The following DLGAP1 variants were observed in gnomAD, a reference collection of about 807,000 sequenced individuals.
DLGAP1 encodes DLG associated protein 1, also known as disks large-associated protein 1.
In DLGAP1, 11 loss-of-function variants were observed where a neutral mutation model predicts 90.8. The ratio of observed to expected loss-of-function variants is 0.12; its 90% CI spans 0.08 to 0.20. The LOEUF (loss-of-function observed/expected upper bound fraction) is 0.20, where lower values mean the gene tolerates loss of function less well. Ranked by LOEUF, DLGAP1 falls within the 10% of genes least tolerant of loss-of-function variation. The pLI, the probability that DLGAP1 is intolerant of heterozygous loss-of-function variation, is 1.00. For missense variants in DLGAP1, 1,050 were observed against 1,333.8 expected (o/e 0.79, Z 3.31); for synonymous variants, 558 against 540.7 (o/e 1.03, Z -0.44).
At chr18:3,728,867 C>G (rs966212003) in intron 7 of DLGAP1, among the ~76,000 whole-genome samples, 1 of 152,140 alleles carries the variant, frequency 6.6e-6, no homozygotes, top group East Asian at 1.9e-4. Flanking sequence ...GGAAGTCCCT[C>G]CCCTCTGGGC....
At chr18:3,716,859 T>C (rs1288486153) in intron 7 of DLGAP1, among the ~76,000 whole-genome samples, 1 of 151,992 alleles carries the variant, frequency 6.6e-6, no homozygotes, top group African/African-American at 2.4e-5. Flanking sequence ...CTGGGTGCAG[T>C]AGCTCGTGCC....
intron 7 of DLGAP1, among the ~76,000 whole-genome samples, chr18:3,627,701 C>T (rs772045519): frequency 1.3e-5 from 2 of 151,992 alleles, no homozygotes; most frequent in Admixed American, 6.6e-5. Flanking sequence ...TCCTCTGTTG[C>T]CCAGGCTGCA....
chr18:3,638,662 A>T (rs911980008), intron 7 of DLGAP1, among the ~76,000 whole-genome samples: 6 of 152,258 alleles, frequency 3.9e-5, no homozygotes, highest in Admixed American at 3.9e-4. Context: ...CTTTATAAAG[A>T]TCACAGTGAC....
At chr18:4,424,145 C>T (rs567447955) in intron 1 of DLGAP1, among the ~76,000 whole-genome samples, 2 of 151,870 alleles carry the variant, frequency 1.3e-5, no homozygotes, top group Non-Finnish European at 2.9e-5. Context: ...AGCGAGACTC[C>T]ATCTTAAAAA....
intron 1 of DLGAP1, among the ~76,000 whole-genome samples, chr18:4,305,609 T>C (rs1031347887): frequency 1.3e-4 from 20 of 151,460 alleles, no homozygotes; most frequent in Admixed American, 7.9e-4. Context: ...GACCTTTACA[T>C]GCATGCTGTC....
At chr18:4,066,829 A>G (rs572136955) in intron 2 of DLGAP1, among the ~76,000 whole-genome samples, 1 of 152,278 alleles carries the variant, frequency 6.6e-6, no homozygotes, top group South Asian at 2.1e-4. Context: ...TACTGGGTAT[A>G]TACTTAAAGG....
At chr18:3,905,663 C>G (rs2071889910) in intron 3 of DLGAP1, among the ~76,000 whole-genome samples, 1 of 152,092 alleles carries the variant, frequency 6.6e-6, no homozygotes, top group Non-Finnish European at 1.5e-5. Context: ...TTTAATGAGA[C>G]AATGCGATAG....
intron 2 of DLGAP1, among the ~76,000 whole-genome samples, chr18:4,037,699 C>A (rs1384353139): frequency 6.6e-6 from 1 of 152,160 alleles, no homozygotes; most frequent in Non-Finnish European, 1.5e-5. Flanking sequence ...GTGGCTCATG[C>A]CTGTAATACT....
intron 3 of DLGAP1, chr18:3,894,872 G>A (rs984958714): frequency 4.6e-5 from 7 of 152,160 alleles, no homozygotes; most frequent in African/African-American, 1.7e-4. Flanking sequence ...CTATTCAGAT[G>A]TTGGCCAGAT....
At chr18:4,053,990 T>C (rs1432322560) in intron 2 of DLGAP1, among the ~76,000 whole-genome samples, 1 of 152,358 alleles carries the variant, frequency 6.6e-6, no homozygotes, top group East Asian at 1.9e-4. Flanking sequence ...AAAACTGGTC[T>C]TATAACTCTT....
intron 3 of DLGAP1, among the ~76,000 whole-genome samples, chr18:4,004,201 T>C (rs141904414): frequency 7.3e-4 from 111 of 152,332 alleles, no homozygotes; most frequent in African/African-American, 2.6e-3. Context: ...TTGTGGATGA[T>C]GTATCTTCCA....
At chr18:3,794,884 C>T (rs896337360) in intron 5 of DLGAP1, among the ~76,000 whole-genome samples, 1 of 152,240 alleles carries the variant, frequency 6.6e-6, no homozygotes, top group South Asian at 2.1e-4. Context: ...TCTCGCACCA[C>T]GCCTGACTTC....
At chr18:3,774,102 T>G (rs754051749) in intron 5 of DLGAP1, 2 of 152,184 alleles carry the variant, frequency 1.3e-5, no homozygotes, top group Non-Finnish European at 2.9e-5. Flanking sequence ...AGTCGCCAAC[T>G]TCTGGGTTTA....
chr18:4,162,059 T>A (rs2076855420), intron 1 of DLGAP1, among the ~76,000 whole-genome samples: 1 of 152,160 alleles, frequency 6.6e-6, no homozygotes, highest in Non-Finnish European at 1.5e-5. Context: ...ACTGAGTGGT[T>A]ACCTGTGCCA....
intron 2 of DLGAP1, among the ~76,000 whole-genome samples, chr18:4,145,577 T>C (rs1182416419): frequency 6.6e-6 from 1 of 152,094 alleles, no homozygotes; most frequent in African/African-American, 2.4e-5. Flanking sequence ...AAAAAACACA[T>C]AAAACAGAAC....
At chr18:4,339,235 C>T (rs887070086) in intron 1 of DLGAP1, among the ~76,000 whole-genome samples, 1 of 152,176 alleles carries the variant, frequency 6.6e-6, no homozygotes, top group Non-Finnish European at 1.5e-5. Flanking sequence ...GAAGACCAAA[C>T]ACTGCATGTT....
At chr18:4,184,340 A>C (rs1470334269) in intron 1 of DLGAP1, among the ~76,000 whole-genome samples, 1 of 152,140 alleles carries the variant, frequency 6.6e-6, no homozygotes, top group East Asian at 1.9e-4. Context: ...ATTAACATGG[A>C]GATAAAGATC....
At position 3,525,174 on chromosome 18, in the gene DLGAP1, A is replaced by C. The variant is rs1371645986; in HGVS notation, c.2479+9020T>G. ...CAGCTAATTTTAATTTTTTTTTCCC[A>C]GTTCCAACCCCTCCAGGAGCCTTAC... On this transcript the variant is annotated intron_variant, in intron 10 of 12. Coordinates refer to ENST00000315677, the MANE Select transcript of DLGAP1 (RefSeq NM_004746.4). 2.0e-5 allele frequency among the ~76,000 whole-genome samples: 3 copies of C among 150,890 alleles called. 1 individual carries two copies. The highest frequency in any genetic ancestry group is 4.4e-5 in the Non-Finnish European group (3 of 67,784).
chr18:4,428,937 A>G (rs970055153), intron 1 of DLGAP1, among the ~76,000 whole-genome samples: 1 of 152,296 alleles, frequency 6.6e-6, no homozygotes, highest in Non-Finnish European at 1.5e-5. Context: ...GCAGAAAACA[A>G]TCTATAATGT....
Sources: allele counts gnomAD v4.1 joint callset (sites outside exome capture counted in the v4.1 genomes callset), GRCh38; gene constraint gnomAD v4.1.1; transcripts MANE v1.5; gene names NCBI Gene and HGNC (gene_info 2026-07-23, HGNC 2026-07-21).